The following PALLD variants were observed in gnomAD, a reference collection of about 807,000 sequenced individuals.
PALLD encodes the protein palladin.
A neutral mutation model predicts 123.5 loss-of-function variants in PALLD; 61 were observed. The ratio of observed to expected loss-of-function variants is 0.49; its 90% CI spans 0.40 to 0.61. The LOEUF (loss-of-function observed/expected upper bound fraction) is 0.61, where lower values mean the gene tolerates loss of function less well. Ranked by LOEUF, PALLD falls within the 20% of genes least tolerant of loss-of-function variation. The pLI, the probability that PALLD is intolerant of heterozygous loss-of-function variation, is 0.00. For synonymous variants in PALLD, 465 were observed against 496.4 expected (o/e 0.94, Z 0.84); for missense variants, 1,273 against 1,377.0 (o/e 0.92, Z 1.20).
At chr4:168,763,812 C>T (rs1027785281) in intron 10 of PALLD, among the ~76,000 whole-genome samples, 2 of 152,158 alleles carry the variant, frequency 1.3e-5, no homozygotes, top group African/African-American at 4.8e-5. Flanking sequence ...ATGCAACTCC[C>T]ATTCCATCAG....
intron 10 of PALLD, among the ~76,000 whole-genome samples, chr4:168,880,362 G>A (rs2151134044): frequency 6.6e-6 from 1 of 152,314 alleles, no homozygotes; most frequent in South Asian, 2.1e-4. Context: ...TGTACCCAAA[G>A]ATAGTGAAGT....
At chr4:168,497,737 T>C (rs62333820) in intron 1 of PALLD, among the ~76,000 whole-genome samples, 14,755 of 152,256 alleles carry the variant, frequency 0.097, 804 homozygotes, top group Non-Finnish European at 0.11. Context: ...ATTATATTCA[T>C]GCATAAAATT....
At chr4:168,660,996 C>T (rs1050775544) in intron 2 of PALLD, among the ~76,000 whole-genome samples, 3 of 152,064 alleles carry the variant, frequency 2.0e-5, no homozygotes, top group Non-Finnish European at 4.4e-5. Context: ...CCTTCACCTC[C>T]CGGGTTCACG....
intron 11 of PALLD, among the ~76,000 whole-genome samples, chr4:168,891,854 A>T (rs969073293): frequency 2.6e-5 from 4 of 152,192 alleles, no homozygotes. Flanking sequence ...ACACGCACAC[A>T]AATCTACTAG....
chr4:168,924,346 A>T lies in PALLD; in HGVS notation c.3150A>T (p.Val1050=), dbSNP rs781516286. 3.5e-5 allele frequency: 56 copies of T among 1,613,862 alleles called. No homozygotes were observed. In the South Asian group the frequency reaches 6.0e-4, roughly 17 times the overall value. The stretch of plus-strand genomic sequence containing the variant: ...ACCCAGTGCGGCTGGAATGTCGTGT[A>T]TTGGGAGTGCCACCACCTCAGATAT... ...DGYPVRLECR[V]LGVPPPQIFW... The change falls in exon 19 of 22, where the codon GTA becomes GTT. Residue 1050 remains valine, a synonymous_variant. Transcript: ENST00000505667.
Position 168,594,560 on chromosome 4 carries a change from T to C in PALLD, c.909-73630T>C, listed in dbSNP as rs147773089. On this transcript the variant is annotated intron_variant, in intron 2 of 21. Coordinates refer to ENST00000505667, the MANE Select transcript of PALLD (RefSeq NM_001166108.2). ...AACCGGTATAGTGAAAGAGCATCAT[T>C]TGTAGTCAGACCAAAGAGGACTTGA... Among the ~76,000 whole-genome samples the C allele has an allele frequency of 1.9e-3, 283 of 152,290 alleles. 1 individual carries two copies. Among genetic ancestry groups the C allele is most frequent in the African/African-American group, 6.4e-3 (267 of 41,564 alleles).
At chr4:168,845,120 C>T (rs757492150) in intron 10 of PALLD, among the ~76,000 whole-genome samples, 4 of 152,030 alleles carry the variant, frequency 2.6e-5, no homozygotes, top group Non-Finnish European at 5.9e-5. Flanking sequence ...TAGAGAGGCA[C>T]CGGAGCAGAG....
At chr4:168,714,220 T>C (rs1342123912) in intron 10 of PALLD, among the ~76,000 whole-genome samples, 3 of 152,148 alleles carry the variant, frequency 2.0e-5, no homozygotes, top group African/African-American at 7.2e-5. Context: ...GCTTCCCTTC[T>C]TCCAACCCAG....
chr4:168,616,752 C>A (rs769761543), intron 2 of PALLD, among the ~76,000 whole-genome samples: 4 of 152,216 alleles, frequency 2.6e-5, no homozygotes, highest in Non-Finnish European at 5.9e-5. Flanking sequence ...CTCCAGGAAT[C>A]TGAATTTTTA....
intron 2 of PALLD, among the ~76,000 whole-genome samples, chr4:168,569,700 C>T (rs187231785): frequency 6.6e-6 from 1 of 152,132 alleles, no homozygotes; most frequent in Non-Finnish European, 1.5e-5. Context: ...GGATTCTTGT[C>T]TGAGATGCAG....
At chr4:168,816,747 A>G (rs1393375647) in intron 10 of PALLD, among the ~76,000 whole-genome samples, 2 of 151,882 alleles carry the variant, frequency 1.3e-5, no homozygotes, top group African/African-American at 4.8e-5. Context: ...TTAAATGGGC[A>G]TAACTGATGG....
At chr4:168,905,790 CTTTTTTTTT>C (rs59427697) in intron 15 of PALLD, among the ~76,000 whole-genome samples, 2 of 113,096 alleles carry the variant, frequency 1.8e-5, no homozygotes, top group Admixed American at 2.2e-4. Flanking sequence ...GCTTTTTTTT[CTTTTTTTTT>C]TTTTTTTTTT....
intron 10 of PALLD, among the ~76,000 whole-genome samples, chr4:168,775,372 C>T (rs1735038939): frequency 6.6e-6 from 1 of 151,972 alleles, no homozygotes; most frequent in South Asian, 2.1e-4. Flanking sequence ...AATCTGTTGC[C>T]CATTGTTTAA....
intron 4 of PALLD, 35 bp from the exon 5 acceptor site, chr4:168,682,960 AAAT>A: frequency 3.9e-6 from 5 of 1,279,370 alleles, no homozygotes; most frequent in Non-Finnish European, 5.6e-6. Flanking sequence ...CGAAAACAAA[AAAT>A]ATTCTGACTA....
chr4:168,662,804 A>G (rs967866246), intron 2 of PALLD, among the ~76,000 whole-genome samples: 2 of 152,244 alleles, frequency 1.3e-5, no homozygotes, highest in African/African-American at 2.4e-5. Context: ...CTAAACAAAC[A>G]TGACTGTAGC....
intron 8 of PALLD, among the ~76,000 whole-genome samples, chr4:168,701,067 G>A (rs1211702402): frequency 6.8e-6 from 1 of 146,592 alleles, no homozygotes; most frequent in Non-Finnish European, 1.5e-5. Context: ...TTTCATTACA[G>A]TTGTGATGTC....
rs528716006 is a variant in PALLD at position 168,777,412 on chromosome 4, G to C, written c.1964+65489G>C. Among the ~76,000 whole-genome samples, 11 of 152,260 alleles carry C rather than the reference G, an allele frequency of 7.2e-5. No homozygotes were observed. The East Asian group carries it at 9.6e-4, about 13-fold the overall frequency. On this transcript the variant is annotated intron_variant, in intron 10 of 21. Transcript: ENST00000505667. ...GACTGAAATAGAATCACTGCCCCAA[G>C]ATAAATGTGATGGGGGAGACGGGGT...
At chr4:168,726,033 A>G (rs1316861038) in intron 10 of PALLD, among the ~76,000 whole-genome samples, 2 of 152,166 alleles carry the variant, frequency 1.3e-5, no homozygotes, top group East Asian at 3.8e-4. Context: ...TTTTTATTCT[A>G]TCACAAAACA....
intron 15 of PALLD, 114 bp downstream of exon 15, chr4:168,904,020 CTATTT>C: frequency 9.2e-7 from 1 of 1,088,150 alleles, no homozygotes; most frequent in Non-Finnish European, 1.4e-6. Flanking sequence ...ATTTATGAAA[CTATTT>C]TTCCAAATTC....
Sources: gnomAD v4.1 joint callset for allele counts (sites outside exome capture counted in the v4.1 genomes callset) on GRCh38, gnomAD v4.1.1 for gene constraint, MANE v1.5 for transcripts, NCBI Gene and HGNC (gene_info 2026-07-23, HGNC 2026-07-21) for gene names.